Variants in SET observed in about 807,000 individuals in gnomAD.
SET encodes SET nuclear proto-oncogene.
In SET, 4 loss-of-function variants were observed where a neutral mutation model predicts 39.0. That is an observed-to-expected ratio of 0.10 (90% CI 0.05 to 0.23). SET has a LOEUF of 0.23. Among genes scored for constraint, SET ranks in the 10% least tolerant of loss-of-function variants. SET has a pLI of 1.00. For missense variants in SET, 137 were observed against 329.7 expected, an observed-to-expected ratio of 0.42 and a Z score of 4.53; for synonymous variants, 114 against 115.9, an observed-to-expected ratio of 0.98 and a Z score of 0.11.
intron 7 of SET, 61 bp downstream of exon 7, chr9:128,694,103 G>C: frequency 8.5e-7 from 1 of 1,181,300 alleles, no homozygotes; most frequent in South Asian, 1.6e-5. Flanking sequence ...GTTATTTTGG[G>C]GTGTATATAT....
At chr9:128,687,899 T>C (rs78753474), upstream of SET, among the ~76,000 whole-genome samples, 3,124 of 152,164 alleles carry the variant, frequency 0.021, 114 homozygotes, top group African/African-American at 0.072. Context: ...GGATTTGAAA[T>C]TGGCCAGCGT....
In SET at chr9:128,692,420, A is replaced by AC. The variant is rs1554776648; in HGVS notation, c.275-242_275-241insC. On this transcript the variant is annotated intron_variant, in intron 3 of 7. Transcript: ENST00000322030. ...TTCAAAAAAAAAAAAAAAAAAAAAA[A>AC]AACCTCAAAGACGGGAAAAGATATA... 2,133 of 255,086 alleles carry AC rather than the reference A, an allele frequency of 8.4e-3. 45 individuals carry two copies. The highest frequency in any genetic ancestry group is 0.058 in the African/African-American group (1,991 of 34,574). The allele number at this position is 255,086 out of a possible 1,614,324, so 15.8% of individuals were successfully genotyped here.
intron 5 of SET, among the ~76,000 whole-genome samples, chr9:128,693,340 C>T (rs780815475): frequency 1.3e-5 from 2 of 152,168 alleles, no homozygotes; most frequent in Non-Finnish European, 2.9e-5. Flanking sequence ...AAATGGCTTG[C>T]CATTTCTCAA....
intron 1 of SET, chr9:128,689,945 C>A: frequency 3.1e-6 from 1 of 317,992 alleles, no homozygotes; most frequent in Non-Finnish European, 4.5e-6. Flanking sequence ...CTCTCCTCCC[C>A]CTCCCTCCCT....
upstream of SET, among the ~76,000 whole-genome samples, chr9:128,689,028 G>A (rs1334505202): frequency 6.6e-6 from 1 of 150,946 alleles, no homozygotes; most frequent in Non-Finnish European, 1.5e-5. Context: ...GAGAGCGGGG[G>A]AGGGGACGCG....
upstream of SET, among the ~76,000 whole-genome samples, chr9:128,686,032 A>C (rs112280221): frequency 0.026 from 3,946 of 151,072 alleles, 127 homozygotes; most frequent in African/African-American, 0.08. Flanking sequence ...ACAACAACAA[A>C]AAAAAAAACA....
chr9:128,688,442 G>C (rs1344657236), upstream of SET, among the ~76,000 whole-genome samples: 1 of 152,142 alleles, frequency 6.6e-6, no homozygotes, highest in Non-Finnish European at 1.5e-5. Context: ...GCTGTTGTGA[G>C]GCCTCGGTGA....
chr9:128,684,947 G>A, upstream of SET: 1 of 1,193,992 alleles, frequency 8.4e-7, no homozygotes, highest in Non-Finnish European at 1.1e-6. Context: ...TGGATAGAGA[G>A]TTGACTGTTC....
chr9:128,685,047 A>T, upstream of SET: 1 of 1,497,314 alleles, frequency 6.7e-7, no homozygotes, highest in Non-Finnish European at 8.9e-7. Context: ...AGGAAACGGG[A>T]AGCTTTGATT....
chr9:128,689,026 G>T (rs979962637), upstream of SET, among the ~76,000 whole-genome samples: 2 of 150,958 alleles, frequency 1.3e-5, no homozygotes, highest in Non-Finnish European at 3.0e-5. Flanking sequence ...GGGAGAGCGG[G>T]GGAGGGGACG....
At chr9:128,691,754 T>C in intron 2 of SET, 104 bp from the exon 3 acceptor site, 2 of 1,153,402 alleles carry the variant, frequency 1.7e-6, no homozygotes, top group Non-Finnish European at 2.4e-6. Context: ...AATTTGGTTA[T>C]TTTGCATGAC....
Position 128,695,193 on chromosome 9 carries a change from G to C in SET, c.*529G>C, listed in dbSNP as rs1352756431. Reference sequence around the variant, plus strand: ...AATGGGGTTATAGAAGGTCAGCAAAGGGTGGGTTTGAGATGTTTGGGTGGG... The same window carrying C: ...AATGGGGTTATAGAAGGTCAGCAAACGGTGGGTTTGAGATGTTTGGGTGGG... On this transcript the variant is annotated 3_prime_UTR_variant, in exon 8 of 8. Transcript: ENST00000322030. The C allele has an allele frequency of 4.5e-6, 1 of 222,828 alleles. No individual in the cohort carries two copies. Among genetic ancestry groups the C allele is most frequent in the East Asian group, 6.3e-5 (1 of 15,824 alleles). 13.8% of individuals were successfully genotyped at this position (222,828 alleles called of 1,614,324 possible).
rs1861426114 is a variant in SET, at chr9:128,689,617, A to C, written c.35A>C (p.Glu12Ala). 2 of 1,368,006 alleles carry C rather than the reference A, an allele frequency of 1.5e-6. No homozygotes were observed. Among genetic ancestry groups the C allele is most frequent in the African/African-American group, 3.1e-5 (2 of 64,912 alleles). 84.7% of individuals were successfully genotyped at this position (1,368,006 alleles called of 1,614,324 possible). Residue 12 changes from glutamate (E) to alanine (A), a missense_variant, in exon 1 of 8, where the codon GAG (glutamate) becomes GCG (alanine). By Grantham distance (107) the Glu-to-Ala change is moderately radical. Transcript: ENST00000322030. ...SAPAAKVSKK[E>A]LNSNHDGADE... ...CCGGCGGCCAAAGTCAGTAAAAAGG[A>C]GCTCAACTCCAACCACGACGGGGCC...
upstream of SET, chr9:128,685,060 C>T: frequency 6.6e-7 from 1 of 1,515,484 alleles, no homozygotes; most frequent in Non-Finnish European, 8.8e-7. Flanking sequence ...CTTTGATTGG[C>T]TGAGGGCAGG....
Position 128,689,525 on chromosome 9 carries a change from C to A in SET, c.-58C>A. The A allele has an allele frequency of 2.4e-6, 2 of 847,200 alleles. No homozygotes were observed. The highest frequency in any genetic ancestry group is 1.8e-5 in the African/African-American group (1 of 55,352). 52.5% of individuals were successfully genotyped at this position (847,200 alleles called of 1,614,324 possible). ...CGTGAGGGGAAGCCGCTTGCCCGCC[C>A]CCTTCGCCTTCCCTTCTCTCCCCCT... On this transcript the variant is annotated 5_prime_UTR_variant, in exon 1 of 8. Transcript: ENST00000322030.
rs932021309 is a variant in SET, at chr9:128,689,276, G to C, written c.-307G>C. On this transcript the variant is annotated 5_prime_UTR_variant, in exon 1 of 8. Transcript: ENST00000322030. Reference sequence around the variant, plus strand: ...GGCGGCTCGGGAGAGCGAGCAGCGAGCTGGCTGGATCGCCGAGCGCGAGTG... The same window carrying C: ...GGCGGCTCGGGAGAGCGAGCAGCGACCTGGCTGGATCGCCGAGCGCGAGTG... 182 of 1,011,682 alleles carry C rather than the reference G, an allele frequency of 1.8e-4. No homozygotes were observed. Among genetic ancestry groups the C allele is most frequent in the Non-Finnish European group, 2.1e-4 (176 of 846,474 alleles). 62.7% of individuals were successfully genotyped at this position (1,011,682 alleles called of 1,614,324 possible). A position where few individuals can be genotyped will look rare whatever the true frequency, so the allele number is the denominator to read the frequency against.
intron 7 of SET, 38 bp downstream of exon 7, chr9:128,694,080 T>A (rs776828689): frequency 6.2e-6 from 9 of 1,453,004 alleles, no homozygotes; most frequent in Non-Finnish European, 8.3e-6. Context: ...AAGATAACTT[T>A]TAAAGAATTC....
chr9:128,684,980 G>T (rs1332148767), upstream of SET: 4 of 1,413,236 alleles, frequency 2.8e-6, no homozygotes, highest in Non-Finnish European at 3.7e-6. Flanking sequence ...CTGGCTCATA[G>T]GGGAGGGTTG....
chr9:128,687,218 GC>G (rs1455408190), upstream of SET, among the ~76,000 whole-genome samples: 2 of 151,958 alleles, frequency 1.3e-5, no homozygotes, highest in Non-Finnish European at 2.9e-5. Flanking sequence ...AATTAGCTTG[GC>G]ATGGTAGTGG....
Sources: allele counts gnomAD v4.1 joint callset (sites outside exome capture counted in the v4.1 genomes callset), GRCh38; gene constraint gnomAD v4.1.1; transcripts MANE v1.5; gene names NCBI Gene and HGNC (gene_info 2026-07-23, HGNC 2026-07-21).